Variants in GMDS observed in about 807,000 individuals in gnomAD.
GMDS encodes GDP-mannose 4,6-dehydratase.
Under a neutral mutation model 49.9 loss-of-function variants are expected in GMDS, and 20 were observed. The ratio of observed to expected loss-of-function variants is 0.40; its 90% CI spans 0.28 to 0.58. The LOEUF (loss-of-function observed/expected upper bound fraction) is 0.58, where lower values mean the gene tolerates loss of function less well. Among genes scored for constraint, GMDS ranks in the 20% least tolerant of loss-of-function variants. GMDS has a pLI of 0.42. For synonymous variants in GMDS, 177 were observed against 178.6 expected, an observed-to-expected ratio of 0.99 and a Z score of 0.07; for missense variants, 362 against 481.4, an observed-to-expected ratio of 0.75 and a Z score of 2.32.
intron 7 of GMDS, among the ~76,000 whole-genome samples, chr6:1,905,932 G>A (rs949958125): frequency 4.6e-5 from 7 of 151,872 alleles, no homozygotes; most frequent in Non-Finnish European, 1.0e-4. Context: ...CCCTGAGAAG[G>A]AGCGCCCAGG....
Position 1,836,465 on chromosome 6 carries a change from T to C in GMDS, c.771+93638A>G, listed in dbSNP as rs550857035. On this transcript the variant is annotated intron_variant, in intron 7 of 10. Coordinates refer to ENST00000380815, the MANE Select transcript of GMDS (RefSeq NM_001500.4). The surrounding 1 kb of genome is among the most constrained non-coding windows in gnomAD (Gnocchi z 4.2). ...GTTTATGGTTGGATGTCTATCATAG[T>C]ATTTTCTATTATGTTGCTAGATAAA... Among the ~76,000 whole-genome samples, 23 of 152,268 alleles carry C rather than the reference T, an allele frequency of 1.5e-4. No homozygotes were observed. The highest frequency in any genetic ancestry group is 8.8e-5 in the Non-Finnish European group (6 of 68,046).
At chr6:1,831,145 G>A (rs1756624416) in intron 7 of GMDS, among the ~76,000 whole-genome samples, 3 of 152,226 alleles carry the variant, frequency 2.0e-5, no homozygotes. Flanking sequence ...GCCATTATAG[G>A]ATTAAAGTAA....
intron 7 of GMDS, among the ~76,000 whole-genome samples, chr6:1,849,329 G>T (rs1757551645): frequency 6.6e-6 from 1 of 152,140 alleles, no homozygotes; most frequent in African/African-American, 2.4e-5. Context: ...ATTCATAAAA[G>T]AATATGACCA....
intron 9 of GMDS, among the ~76,000 whole-genome samples, chr6:1,646,411 C>G (rs1313420991): frequency 6.6e-6 from 1 of 152,192 alleles, no homozygotes; most frequent in African/African-American, 2.4e-5. Flanking sequence ...CTCACCCTGA[C>G]CTCCAATATC....
At chr6:1,969,725 C>A (rs1277445673) in intron 4 of GMDS, among the ~76,000 whole-genome samples, 1 of 152,146 alleles carries the variant, frequency 6.6e-6, no homozygotes, top group Non-Finnish European at 1.5e-5. Flanking sequence ...TCCCTTCCTT[C>A]CCCCAAGAGG....
intron 7 of GMDS, among the ~76,000 whole-genome samples, chr6:1,862,774 C>G (rs903531001): frequency 6.6e-6 from 1 of 152,136 alleles, no homozygotes; most frequent in Admixed American, 6.5e-5. Flanking sequence ...GATCTACATT[C>G]TTCTTTAGAA....
chr6:2,244,815 C>T (rs1422490254), intron 1 of GMDS, among the ~76,000 whole-genome samples: 1 of 152,152 alleles, frequency 6.6e-6, no homozygotes, highest in Non-Finnish European at 1.5e-5. Flanking sequence ...CTTTCATGTT[C>T]TCTTTTCTAT....
intron 1 of GMDS, among the ~76,000 whole-genome samples, chr6:2,162,367 A>T (rs976348650): frequency 1.3e-5 from 2 of 152,146 alleles, no homozygotes; most frequent in Non-Finnish European, 2.9e-5. Context: ...CCTCCCATGG[A>T]ACACCAGGGT....
chr6:1,680,353 G>A (rs1764749029), intron 9 of GMDS, among the ~76,000 whole-genome samples: 1 of 152,222 alleles, frequency 6.6e-6, no homozygotes, highest in African/African-American at 2.4e-5. Flanking sequence ...CAGGCAGAGA[G>A]CTGAGTGGCA....
intron 4 of GMDS, among the ~76,000 whole-genome samples, chr6:1,962,253 C>G (rs758343396): frequency 3.2e-4 from 49 of 152,258 alleles, no homozygotes; most frequent in Admixed American, 1.3e-3. Flanking sequence ...GTATCAGCAG[C>G]CACTCTCTGG....
chr6:1,668,037 ACCTGGCT>A (rs1764290909), intron 9 of GMDS, among the ~76,000 whole-genome samples: 1 of 152,212 alleles, frequency 6.6e-6, no homozygotes, highest in East Asian at 1.9e-4. Flanking sequence ...GAGTGATCGT[ACCTGGCT>A]ATTGATTTGC....
At chr6:2,126,007 C>A (rs1271888742) in intron 1 of GMDS, among the ~76,000 whole-genome samples, 2 of 152,074 alleles carry the variant, frequency 1.3e-5, no homozygotes, top group Non-Finnish European at 2.9e-5. Flanking sequence ...TACAGAGATT[C>A]TCAACTGGTT....
At chr6:2,101,542 A>T (rs1253377648) in intron 4 of GMDS, among the ~76,000 whole-genome samples, 1 of 152,000 alleles carries the variant, frequency 6.6e-6, no homozygotes, top group Non-Finnish European at 1.5e-5. Flanking sequence ...AAACTGAGAG[A>T]AAGAGAAAAG....
Position 1,959,966 on chromosome 6 carries a change from C to T in GMDS, c.544G>A (p.Ala182Thr). 1 of 1,590,744 alleles carries T rather than the reference C, an allele frequency of 6.3e-7. No individual in the cohort carries two copies. Among genetic ancestry groups the T allele is most frequent in the Non-Finnish European group, 8.6e-7 (1 of 1,167,178 alleles). Residue 182 changes from alanine to threonine, a missense_variant, in exon 6 of 11, where the codon GCA becomes ACA. Coordinates refer to ENST00000380815, the MANE Select transcript of GMDS (RefSeq NM_001500.4). Reference sequence around the variant, plus strand: ...ACAATCCAATAGGCATAGAGTTTTGCTGCCCCTGTTGGAATAATTTTTTTT... The same window carrying T: ...ACAATCCAATAGGCATAGAGTTTTGTTGCCCCTGTTGGAATAATTTTTTTT... Reference protein sequence around the residue: ...PFYPRSPYGAAKLYAYWIVVN... With the variant: ...PFYPRSPYGATKLYAYWIVVN...
intron 1 of GMDS, among the ~76,000 whole-genome samples, chr6:2,179,540 T>A (rs184292722): frequency 1.8e-3 from 270 of 152,280 alleles, no homozygotes; most frequent in Non-Finnish European, 3.1e-3. Flanking sequence ...CGTGAGAACA[T>A]CCTCCAGAGG....
chr6:1,636,092 G>A (rs995899728), intron 9 of GMDS, among the ~76,000 whole-genome samples: 1 of 152,218 alleles, frequency 6.6e-6, no homozygotes. Flanking sequence ...TGAGATCCGC[G>A]TGCCACGAGG....
At chr6:1,974,464 C>A (rs1764784499) in intron 4 of GMDS, among the ~76,000 whole-genome samples, 1 of 152,050 alleles carries the variant, frequency 6.6e-6, no homozygotes, top group South Asian at 2.1e-4. Flanking sequence ...GAGAAGTAGG[C>A]ACAGGAGGGA....
chr6:2,017,586 G>A (rs1767989569), intron 4 of GMDS, among the ~76,000 whole-genome samples: 1 of 152,140 alleles, frequency 6.6e-6, no homozygotes, highest in African/African-American at 2.4e-5. Flanking sequence ...TGGAATTACA[G>A]GTGTGAGCTA....
intron 7 of GMDS, among the ~76,000 whole-genome samples, chr6:1,845,961 T>C (rs924744638): frequency 6.6e-6 from 1 of 152,168 alleles, no homozygotes; most frequent in East Asian, 1.9e-4. Context: ...CATGAGGACA[T>C]AGTGGAGTAG....
Sources: allele counts gnomAD v4.1 joint callset (sites outside exome capture counted in the v4.1 genomes callset), GRCh38; gene constraint gnomAD v4.1.1; non-coding constraint Gnocchi (gnomAD v3.1); transcripts MANE v1.5; gene names NCBI Gene and HGNC (gene_info 2026-07-23, HGNC 2026-07-21).